The following SPTB variants were observed in gnomAD, a reference collection of about 807,000 sequenced individuals.
SPTB encodes the protein spectrin beta, erythrocytic.
Under a neutral mutation model 256.2 loss-of-function variants are expected in SPTB, and 45 were observed. The observed-to-expected ratio is 0.18, with a 90% CI of 0.14 to 0.23. The LOEUF is 0.23. SPTB is among the 10% of genes least tolerant of loss of function. SPTB has a pLI of 1.00. For missense variants in SPTB, 2,715 were observed against 3,040.4 expected, an observed-to-expected ratio of 0.89 and a Z score of 2.52; for synonymous variants, 1,231 against 1,243.1, an observed-to-expected ratio of 0.99 and a Z score of 0.21.
rs1318460070 is a variant in SPTB, at chr14:64,823,107, T to C, written c.-13A>G. 1 of 1,614,096 alleles carries C rather than the reference T, an allele frequency of 6.2e-7. No homozygotes were observed. Among genetic ancestry groups the C allele is most frequent in the Non-Finnish European group, 8.5e-7 (1 of 1,180,000 alleles). On this transcript the variant is annotated 5_prime_UTR_variant, in exon 2 of 36. Coordinates refer to ENST00000644917, the MANE Select transcript of SPTB (RefSeq NM_001355436.2). This position sits in a 1 kb window ranked among gnomAD's most constrained non-coding sequence, Gnocchi z 6.5. ...TGGCCGATGTCATGTCAGCAGGCTC[T>C]TAGCAGCTCCGCCTGCCTCAGTCTT...
intron 9 of SPTB, 25 bp downstream of exon 9, chr14:64,799,721 AC>A (rs2082843527): frequency 1.2e-6 from 2 of 1,613,414 alleles, no homozygotes; most frequent in Non-Finnish European, 1.7e-6. Context: ...ACTGAGGACC[AC>A]CCTCCCATGT....
Position 64,793,328 on chromosome 14 carries a change from G to C in SPTB, c.2335C>G (p.Arg779Gly). The C allele has an allele frequency of 6.2e-7, 1 of 1,609,372 alleles. No homozygotes were observed. Among genetic ancestry groups the C allele is most frequent in the Non-Finnish European group, 8.5e-7 (1 of 1,179,992 alleles). The change falls in exon 14 of 36, where the codon CGG (arginine) becomes GGG (glycine). Residue 779 changes from arginine to glycine, a missense_variant. Physicochemically the swap from Arg to Gly is moderately radical, Grantham distance 125. This residue lies in a region of SPTB where 2,239 missense variants were observed against 2,384.4 expected (regional missense o/e 0.94). Transcript: ENST00000644917. The surrounding 1 kb of genome is among the most constrained non-coding windows in gnomAD (Gnocchi z 7.0). ...EDVGQDEGAT[R>G]ALGKKHKDFL... ...TCCTTGTGCTTTTTCCCCAGGGCCCGCGTGGCCCCTTCGTCCTGCCCCACA... is the reference window on the plus strand; with the variant it reads ...TCCTTGTGCTTTTTCCCCAGGGCCCCCGTGGCCCCTTCGTCCTGCCCCACA...
rs776482229 is a variant in SPTB at position 64,779,860 on chromosome 14, T to C, written c.4338A>G (p.Gly1446=). Residue 1446 remains glycine, a synonymous_variant, in exon 21 of 36, where the codon GGA becomes GGG. Coordinates refer to ENST00000644917, the MANE Select transcript of SPTB (RefSeq NM_001355436.2). The surrounding 1 kb of genome is among the most constrained non-coding windows in gnomAD (Gnocchi z 4.2). ...GELFAQVPSM[G]EEGGDADLSI... Reference sequence around the variant, plus strand: ...TCAAGTCTGCATCTCCTCCCTCCTCTCCCATTGAAGGCACCTGGGCAAACA... The same window carrying C: ...TCAAGTCTGCATCTCCTCCCTCCTCCCCCATTGAAGGCACCTGGGCAAACA... 5.6e-6 allele frequency: 9 copies of C among 1,613,980 alleles called. No homozygotes were observed. Among genetic ancestry groups the C allele is most frequent in the Non-Finnish European group, 5.1e-6 (6 of 1,180,010 alleles).
Position 64,779,278 on chromosome 14 carries a change from T to C in SPTB, c.4474-32A>G, listed in dbSNP as rs1421330945. The C allele has an allele frequency of 6.3e-7, 1 of 1,587,948 alleles. No individual in the cohort carries two copies. Among genetic ancestry groups the C allele is most frequent in the Non-Finnish European group, 8.6e-7 (1 of 1,159,448 alleles). On this transcript the variant is annotated intron_variant, in intron 21 of 35. Transcript: ENST00000644917. The surrounding 1 kb of genome is among the most constrained non-coding windows in gnomAD (Gnocchi z 4.2). ...AGACCAGGAGGCAGGAGAGAGCTGA[T>C]GACAATCACGGCCAACCTTTCCTGA...
rs1468877905 is a variant in SPTB at position 64,786,638 on chromosome 14, C to T, written c.3327G>A (p.Glu1109=). The T allele has an allele frequency of 8.1e-6, 13 of 1,614,072 alleles. No individual in the cohort carries two copies. Among genetic ancestry groups the T allele is most frequent in the Non-Finnish European group, 1.1e-5 (13 of 1,180,018 alleles). The change falls in exon 16 of 36, where the codon GAG becomes GAA. Residue 1109 remains glutamate (E), a synonymous_variant. Transcript: ENST00000644917. The surrounding 1 kb of genome is among the most constrained non-coding windows in gnomAD (Gnocchi z 5.6). ...GGTAGCTGTCTTGGTGCCCGTCAAT[C>T]TCATCCTTGATACCTGCATGCTGCT... ...LLQQHAGIKD[E]IDGHQDSYQR...
intron 15 of SPTB, 107 bp from the exon 16 acceptor site, chr14:64,787,267 A>C: frequency 4.9e-6 from 7 of 1,417,522 alleles, no homozygotes; most frequent in Non-Finnish European, 6.8e-6. Context: ...GTCTCCCCCC[A>C]CAGACTTTGT....
intron 2 of SPTB, among the ~76,000 whole-genome samples, chr14:64,822,368 T>TCACACACA (rs1594814472): frequency 1.8e-3 from 1 of 542 alleles, no homozygotes; most frequent in Non-Finnish European, 4.7e-3. Context: ...TCTCTCTCTC[T>TCACACACA]CTCTCTCACA....
At chr14:64,804,425 G>A (rs1376061566) in intron 3 of SPTB, among the ~76,000 whole-genome samples, 4 of 152,244 alleles carry the variant, frequency 2.6e-5, no homozygotes, top group Admixed American at 2.0e-4. Flanking sequence ...AGAGGGTCCT[G>A]CCTGATAGGC....
At chr14:64,812,779 A>G (rs367861072) in intron 2 of SPTB, among the ~76,000 whole-genome samples, 34 of 152,006 alleles carry the variant, frequency 2.2e-4, no homozygotes, top group African/African-American at 7.2e-4. Context: ...ACCAAACTGT[A>G]AAGTTGAAGT....
chr14:64,842,800 G>A (rs1003953334), intron 1 of SPTB, among the ~76,000 whole-genome samples: 8 of 152,158 alleles, frequency 5.3e-5, no homozygotes, highest in Non-Finnish European at 1.2e-4. Context: ...GGGACATATA[G>A]GCTGGATGCA....
chr14:64,767,650 G>A lies in SPTB; in HGVS notation c.6219+13C>T. ...CCACCCTCCTGAGCCTCCCAGCACT[G>A]TTCCCTGCTCACCGTGGTGGGCTTC... On this transcript the variant is annotated intron_variant, in intron 30 of 35. Transcript: ENST00000644917. The A allele has an allele frequency of 6.2e-7, 1 of 1,613,712 alleles. No homozygotes were observed. Among genetic ancestry groups the A allele is most frequent in the South Asian group, 1.1e-5 (1 of 91,070 alleles).
In SPTB at chr14:64,790,571, T is replaced by A. The variant is rs2082651929; in HGVS notation, c.2804+1148A>T. ...TGCTAAGACAATCATCCCATTCTAGTGGCTCTAAAGAATTCTGGTCATCGC... is the reference window on the plus strand; with the variant it reads ...TGCTAAGACAATCATCCCATTCTAGAGGCTCTAAAGAATTCTGGTCATCGC... On this transcript the variant is annotated intron_variant, in intron 15 of 35. Coordinates refer to ENST00000644917, the MANE Select transcript of SPTB (RefSeq NM_001355436.2). This position sits in a 1 kb window ranked among gnomAD's most constrained non-coding sequence, Gnocchi z 4.8. Among the ~76,000 whole-genome samples the A allele has an allele frequency of 6.6e-6, 1 of 152,214 alleles. No homozygotes were observed.
At position 64,772,896 on chromosome 14, in the gene SPTB, C is replaced by T. The variant is rs764312726; in HGVS notation, c.5237G>A (p.Arg1746Gln). 3.4e-5 allele frequency: 54 copies of T among 1,605,530 alleles called. No individual in the cohort carries two copies. Among genetic ancestry groups the T allele is most frequent in the South Asian group, 2.9e-4 (26 of 90,870 alleles). The change falls in exon 26 of 36, where the codon CGG becomes CAG. Residue 1746 changes from arginine (R) to glutamine (Q), a missense_variant. Arg to Gln is a conservative substitution (Grantham distance 43). Around this residue, in one of 4 missense-constraint regions of SPTB, gnomAD observed 2,239 missense variants for 2,384.4 expected, o/e 0.94. Transcript: ENST00000644917. The surrounding 1 kb of genome is among the most constrained non-coding windows in gnomAD (Gnocchi z 5.4). The stretch of plus-strand genomic sequence containing the variant: ...GATGAAGGCATTCACATTGTCCACC[C>T]GCTCCTGCCCAATCGCCCCGGTCTC... ...ARETGAIGQERVDNVNAFIER... is the reference protein window; with the variant it reads ...ARETGAIGQEQVDNVNAFIER...
rs1594761191 is a variant in SPTB, at chr14:64,774,419, G to A, written c.4951C>T (p.Leu1651=). The change falls in exon 24 of 36, where the codon CTG becomes TTG. Residue 1651 remains leucine (L), a synonymous_variant. Coordinates refer to ENST00000644917, the MANE Select transcript of SPTB (RefSeq NM_001355436.2). ...KQLASRAQGL[L]SAGHPEGEQI... ...CACCCCTCAGGGTGGCCTGCAGACAGCAGGCCCTGGGCCCGGCTGGCCAGC... is the reference window on the plus strand; with the variant it reads ...CACCCCTCAGGGTGGCCTGCAGACAACAGGCCCTGGGCCCGGCTGGCCAGC... The A allele has an allele frequency of 1.3e-6, 2 of 1,582,400 alleles. No individual in the cohort carries two copies. The highest frequency in any genetic ancestry group is 2.3e-5 in the East Asian group (1 of 43,318).
At chr14:64,780,030 A>G (rs1005479157) in intron 20 of SPTB, 99 bp from the exon 21 acceptor site, 32 of 1,050,356 alleles carry the variant, frequency 3.0e-5, no homozygotes, top group South Asian at 3.0e-4. Flanking sequence ...TTAAGGCCCA[A>G]TTTGAGCTCA....
intron 2 of SPTB, among the ~76,000 whole-genome samples, chr14:64,821,006 C>T (rs1017494637): frequency 9.9e-5 from 15 of 152,184 alleles, no homozygotes; most frequent in African/African-American, 3.6e-4. Context: ...CCTGTCTCCA[C>T]CAACTTCCCA....
At chr14:64,774,250 C>T (rs2139510224) in intron 24 of SPTB, 147 bp downstream of exon 24, 1 of 1,108,944 alleles carries the variant, frequency 9.0e-7, no homozygotes, top group South Asian at 1.6e-5. Flanking sequence ...AAATTGGATC[C>T]ATCACCAGTC....
At position 64,775,262 on chromosome 14, in the gene SPTB, G is replaced by A; in HGVS notation, c.4705C>T (p.Leu1569=). ...AGCCTCCCGGCCGCTGCCTCCCGCA[G>A]CCTGTCCCAGGAGCTCTGCAGGTGC... The part of the protein sequence containing the change: ...LGHLQSSWDR[L]REAAAGRLQR... The change falls in exon 23 of 36, where the codon CTG becomes TTG. Residue 1569 remains leucine, a synonymous_variant. Transcript: ENST00000644917. The surrounding 1 kb of genome is among the most constrained non-coding windows in gnomAD (Gnocchi z 5.0). 6.2e-7 allele frequency: 1 copy of A among 1,613,664 alleles called. No homozygotes were observed. The highest frequency in any genetic ancestry group is 8.5e-7 in the Non-Finnish European group (1 of 1,180,016).
rs540193627 is a variant in SPTB, at chr14:64,841,882, G to A, written c.-51-18737C>T. Among the ~76,000 whole-genome samples, 12 of 152,148 alleles carry A rather than the reference G, an allele frequency of 7.9e-5. No individual in the cohort carries two copies. The highest frequency in any genetic ancestry group is 1.5e-4 in the Non-Finnish European group (10 of 68,028). ...CCCCAAGGTGTTGCAGTTTGATAACGCTCTCCTCATATCTGTTAAAGAGCG... is the reference window on the plus strand; with the variant it reads ...CCCCAAGGTGTTGCAGTTTGATAACACTCTCCTCATATCTGTTAAAGAGCG... On this transcript the variant is annotated intron_variant, in intron 1 of 35. Transcript: ENST00000644917. This position sits in a 1 kb window ranked among gnomAD's most constrained non-coding sequence, Gnocchi z 4.6.
Sources: gnomAD v4.1 joint callset for allele counts (sites outside exome capture counted in the v4.1 genomes callset) on GRCh38, gnomAD v4.1.1 for gene constraint, gnomAD v4.1.1 regional missense constraint, Gnocchi (gnomAD v3.1) non-coding constraint, MANE v1.5 for transcripts, NCBI Gene and HGNC (gene_info 2026-07-23, HGNC 2026-07-21) for gene names.